Variants in AP4E1 observed in about 807,000 individuals in gnomAD.
The protein encoded by AP4E1 is adaptor related protein complex 4 subunit epsilon 1, also known as AP-4 complex subunit epsilon-1.
In AP4E1, 56 loss-of-function variants were observed where a neutral mutation model predicts 128.2. The observed-to-expected ratio is 0.44, with a 90% CI of 0.35 to 0.55. The LOEUF (loss-of-function observed/expected upper bound fraction) is 0.55. Among genes scored for constraint, AP4E1 ranks in the 20% least tolerant of loss-of-function variants. The pLI, the probability that AP4E1 is intolerant of heterozygous loss-of-function variation, is 0.00. For synonymous variants in AP4E1, 484 were observed against 473.1 expected (o/e 1.02, Z -0.30); for missense variants, 1,324 against 1,307.7 (o/e 1.01, Z -0.19).
At chr15:50,936,488 G>T (rs2063909930) in intron 8 of AP4E1, among the ~76,000 whole-genome samples, 1 of 151,962 alleles carries the variant, frequency 6.6e-6, no homozygotes, top group Non-Finnish European at 1.5e-5. Flanking sequence ...GTACAAAAGG[G>T]TATACAATGA....
intron 1 of AP4E1, among the ~76,000 whole-genome samples, chr15:50,910,763 C>G (rs770003969): frequency 5.3e-5 from 8 of 152,210 alleles, no homozygotes; most frequent in Non-Finnish European, 7.3e-5. Flanking sequence ...TCAAGTGATT[C>G]TTCTGCCTCA....
chr15:50,972,500 C>T (rs1456982188), intron 15 of AP4E1, among the ~76,000 whole-genome samples: 1 of 152,240 alleles, frequency 6.6e-6, no homozygotes, highest in Non-Finnish European at 1.5e-5. Flanking sequence ...GTGTGAGCCA[C>T]AGTACCTGGC....
chr15:50,962,028 A>G (rs1361808315), intron 14 of AP4E1, among the ~76,000 whole-genome samples: 2 of 151,868 alleles, frequency 1.3e-5, no homozygotes, highest in African/African-American at 4.8e-5. Context: ...AATACAATAC[A>G]ATACAATACA....
intron 18 of AP4E1, among the ~76,000 whole-genome samples, 171 bp from the exon 19 acceptor site, chr15:50,998,901 T>C (rs1377189627): frequency 6.6e-6 from 1 of 152,244 alleles, no homozygotes; most frequent in African/African-American, 2.4e-5. Flanking sequence ...TTATCTGTTC[T>C]AGTGAATTTT....
In AP4E1 at chr15:50,958,731, G is replaced by A. The variant is rs769279384; in HGVS notation, c.1788G>A (p.Leu596=). ...MRQHAFELKH[L]HENVELMKSL... ...AACATGCATTTGAATTAAAACATTT[G>A]CATGAGAATGTGGAACTTATGAAGA... is the stretch of plus-strand genomic sequence containing the variant. Residue 596 remains leucine, a synonymous_variant, in exon 14 of 21, where the codon TTG becomes TTA. Transcript: ENST00000261842. 1 of 1,614,146 alleles carries A rather than the reference G, an allele frequency of 6.2e-7. No homozygotes were observed. Among genetic ancestry groups the A allele is most frequent in the Non-Finnish European group, 8.5e-7 (1 of 1,180,004 alleles).
intron 3 of AP4E1, among the ~76,000 whole-genome samples, chr15:50,920,110 CTTT>C (rs34342608): frequency 1.0e-4 from 5 of 50,116 alleles, no homozygotes; most frequent in Non-Finnish European, 1.6e-4. Context: ...AAATTTATGC[CTTT>C]TTTTTTTTTT....
chr15:50,957,671 CTTTTTTTTTTTTTTT>C, intron 13 of AP4E1, among the ~76,000 whole-genome samples: 1 of 87,984 alleles, frequency 1.1e-5, no homozygotes, highest in Non-Finnish European at 2.1e-5. Context: ...ACAAGCGTTT[CTTTTTTTTTTTTTTT>C]TTTTTTTTGA....
chr15:50,979,858 A>G (rs1228279223), intron 15 of AP4E1, among the ~76,000 whole-genome samples: 1 of 152,234 alleles, frequency 6.6e-6, no homozygotes, highest in Non-Finnish European at 1.5e-5. Context: ...ATTCTGTTAT[A>G]GCAACATAAA....
At position 50,948,118 on chromosome 15, in the gene AP4E1, C is replaced by T; in HGVS notation, c.1275C>T (p.Val425=). The change falls in exon 11 of 21, where the codon GTC becomes GTT. Residue 425 remains valine, a synonymous_variant. Transcript: ENST00000261842. The part of the protein sequence containing the change: ...EYLHQSKEEY[V]IVNLVGKIAE... ...TACATCAGAGCAAAGAAGAGTATGT[C>T]ATCGTCAATTTGGTCGGCAAAATAG... The T allele has an allele frequency of 6.2e-7, 1 of 1,613,950 alleles. No individual in the cohort carries two copies. The highest frequency in any genetic ancestry group is 1.3e-5 in the African/African-American group (1 of 75,036).
chr15:50,925,514 G>A (rs1267680181), intron 5 of AP4E1, among the ~76,000 whole-genome samples: 1 of 152,142 alleles, frequency 6.6e-6, no homozygotes, highest in Admixed American at 6.6e-5. Flanking sequence ...GCTATATGGG[G>A]TTGGTTGAAG....
rs553013047 is a variant in AP4E1 at position 50,958,889 on chromosome 15, G to A, written c.1851+95G>A. On this transcript the variant is annotated intron_variant, in intron 14 of 20. Transcript: ENST00000261842. ...ACATATCAGGAATATATCAAAATGT[G>A]GTTTCTGTAGCATTTAAGGTGAATG... 15 of 1,307,124 alleles carry A rather than the reference G, an allele frequency of 1.1e-5. No homozygotes were observed. The East Asian group carries it at 1.4e-4, about 12-fold the overall frequency. The allele number at this position is 1,307,124 out of a possible 1,614,324, so 81.0% of individuals were successfully genotyped here. A position where few individuals can be genotyped will look rare whatever the true frequency, so the allele number is the denominator to read the frequency against.
chr15:50,908,114 CAGG>C (rs777843662), upstream of AP4E1, among the ~76,000 whole-genome samples: 15 of 152,326 alleles, frequency 9.8e-5, no homozygotes, highest in East Asian at 1.7e-3. Context: ...CCCCAAATCC[CAGG>C]AGAAGAGGGG....
rs556930757 is a variant in AP4E1 at position 50,965,221 on chromosome 15, T to TGGC, written c.1852-3041_1852-3039dup. On this transcript the variant is annotated intron_variant, in intron 14 of 20. Transcript: ENST00000261842. ...GCAGTGCAAGAACGGACTAATAGAA[T>TGGC]GGCTTAGGCTGTGGTTGTTAGTGGA... Among the ~76,000 whole-genome samples, 738 of 152,302 alleles carry TGGC rather than the reference T, an allele frequency of 4.8e-3. 6 individuals carry two copies. Among genetic ancestry groups the TGGC allele is most frequent in the African/African-American group, 0.017 (714 of 41,564 alleles).
At chr15:50,952,236 C>A (rs752134643) in intron 13 of AP4E1, among the ~76,000 whole-genome samples, 4 of 151,922 alleles carry the variant, frequency 2.6e-5, no homozygotes, top group Non-Finnish European at 5.9e-5. Flanking sequence ...AGACACTGGG[C>A]GCGGTGGCTC....
chr15:50,912,719 G>A (rs190822444), intron 2 of AP4E1, among the ~76,000 whole-genome samples: 3 of 151,138 alleles, frequency 2.0e-5, no homozygotes, highest in Non-Finnish European at 4.4e-5. Flanking sequence ...GTGCAGTGGC[G>A]TGGCGTGATC....
intron 16 of AP4E1, among the ~76,000 whole-genome samples, chr15:50,985,306 T>G (rs1415013580): frequency 6.6e-6 from 1 of 152,216 alleles, no homozygotes; most frequent in African/African-American, 2.4e-5. Context: ...AGAAGCTCTT[T>G]CGTTTAATTA....
intron 15 of AP4E1, among the ~76,000 whole-genome samples, chr15:50,971,049 T>C (rs907605199): frequency 3.9e-5 from 6 of 152,194 alleles, no homozygotes; most frequent in African/African-American, 1.4e-4. Flanking sequence ...CAGTGAGTTT[T>C]ATAGTTTTGA....
chr15:50,924,145 C>G lies in AP4E1; in HGVS notation c.420+141C>G, dbSNP rs1054866511. 2.4e-5 allele frequency: 16 copies of G among 665,096 alleles called. No homozygotes were observed. The African/African-American group carries it at 2.7e-4, about 11-fold the overall frequency. 41.2% of individuals were successfully genotyped at this position (665,096 alleles called of 1,614,324 possible). A position where few individuals can be genotyped will look rare whatever the true frequency, so the allele number is the denominator to read the frequency against. The stretch of plus-strand genomic sequence containing the variant: ...TTAGAAGAATCTTTTAGATCAGTTT[C>G]TGCATCTATAAAATGGAGTTAAATA... On this transcript the variant is annotated intron_variant, in intron 4 of 20. Transcript: ENST00000261842.
At position 51,002,539 on chromosome 15, in the gene AP4E1, C is replaced by T; in HGVS notation, c.3291C>T (p.Ser1097=). ...EGLLACQLLP[S]IPCLLHCRVH... ...TATTGGCCTGTCAGCTGCTCCCATC[C>T]ATCCCCTGCTTACTGCATTGCCGAG... The change falls in exon 21 of 21, where the codon TCC becomes TCT. Residue 1097 remains serine (S), a synonymous_variant. Transcript: ENST00000261842. 1 of 1,614,172 alleles carries T rather than the reference C, an allele frequency of 6.2e-7. No homozygotes were observed. Among genetic ancestry groups the T allele is most frequent in the Non-Finnish European group, 8.5e-7 (1 of 1,180,010 alleles).
Sources: gnomAD v4.1 joint callset for allele counts (sites outside exome capture counted in the v4.1 genomes callset) on GRCh38, gnomAD v4.1.1 for gene constraint, MANE v1.5 for transcripts, NCBI Gene and HGNC (gene_info 2026-07-23, HGNC 2026-07-21) for gene names.